FAM20C: variants seen among roughly 807,000 people sequenced by gnomAD.
FAM20C encodes extracellular serine/threonine protein kinase FAM20C.
In FAM20C, 40 loss-of-function variants were observed where a neutral mutation model predicts 51.5. The ratio of observed to expected loss-of-function variants is 0.78; its 90% CI spans 0.60 to 1.01. The LOEUF (loss-of-function observed/expected upper bound fraction) is 1.01. Among genes scored for constraint, FAM20C ranks in the 50% least tolerant of loss-of-function variants. The probability of loss-of-function intolerance (pLI) is 0.00; values close to 1 mark genes in which losing one functional copy is unlikely to be tolerated. For synonymous variants in FAM20C, 406 were observed against 380.6 expected, an observed-to-expected ratio of 1.07 and a Z score of -0.78; for missense variants, 861 against 844.7, an observed-to-expected ratio of 1.02 and a Z score of -0.24.
At chr7:258,798 C>T in intron 9 of FAM20C, 93 bp downstream of exon 9, 1 of 1,234,650 alleles carries the variant, frequency 8.1e-7, no homozygotes, top group Non-Finnish European at 1.1e-6. Context: ...CCCACCCCGG[C>T]CATCACATGG....
In FAM20C at chr7:259,906, G is replaced by T; in HGVS notation, c.1681G>T (p.Val561Leu). Residue 561 changes from valine to leucine, a missense_variant, in exon 10 of 10, where the codon GTG (valine) becomes TTG (leucine). Val to Leu is a conservative substitution (Grantham distance 32). Transcript: ENST00000313766. The part of the protein sequence containing the change: ...RVVLKAVRDC[V>L]ERNGLHSVVD... ...CGTGCTAAAGGCCGTCCGGGACTGC[G>T]TGGAGAGGAACGGGCTCCACAGCGT... is the stretch of plus-strand genomic sequence containing the variant. The T allele has an allele frequency of 6.5e-7, 1 of 1,535,452 alleles. No homozygotes were observed. The highest frequency in any genetic ancestry group is 8.7e-7 in the Non-Finnish European group (1 of 1,146,186).
intron 2 of FAM20C, among the ~76,000 whole-genome samples, chr7:207,673 C>T (rs1293889318): frequency 6.6e-6 from 1 of 152,246 alleles, no homozygotes; most frequent in African/African-American, 2.4e-5. Context: ...TGACGTGTGA[C>T]CAGTCCCTGG....
At chr7:241,012 TG>T (rs1478092788) in intron 3 of FAM20C, among the ~76,000 whole-genome samples, 1 of 152,156 alleles carries the variant, frequency 6.6e-6, no homozygotes, top group Non-Finnish European at 1.5e-5. Flanking sequence ...TAGAGGGAAC[TG>T]GTGAGGTTTC....
chr7:248,172 T>G, intron 4 of FAM20C, 143 bp from the exon 5 acceptor site: 1 of 601,782 alleles, frequency 1.7e-6, no homozygotes. Flanking sequence ...AGGGCTGGGT[T>G]TATTCGGAGG....
chr7:207,960 G>A (rs28570309), intron 2 of FAM20C, among the ~76,000 whole-genome samples: 42,382 of 152,192 alleles, frequency 0.28, 6,466 homozygotes, highest in Non-Finnish European at 0.34. Context: ...CAAAGCTGGA[G>A]GGAGGCTACT....
rs146983386 is a variant in FAM20C at position 208,985 on chromosome 7, C to T, written c.863+9C>T. ...CTGTTCAAACCCATGAAGTAAGTGC[C>T]GAGGCCTGTGGGCTGGGGCGTGAGG... On this transcript the variant is annotated intron_variant, in intron 3 of 9. Transcript: ENST00000313766. The T allele has an allele frequency of 4.6e-5, 72 of 1,574,458 alleles. No individual in the cohort carries two copies. Among genetic ancestry groups the T allele is most frequent in the East Asian group, 1.6e-4 (7 of 42,646 alleles).
chr7:243,113 GCCACCCAAGAGACC>G, intron 3 of FAM20C, among the ~76,000 whole-genome samples: 22 of 116,010 alleles, frequency 1.9e-4, no homozygotes, highest in Non-Finnish European at 3.2e-4. Context: ...GGAGACCTGT[GCCACCCAAGAGACC>G]TGTGCCACCC....
At chr7:224,371 CGGGGTCACATGGCGG>C (rs1787385504) in intron 3 of FAM20C, among the ~76,000 whole-genome samples, 1 of 23,586 alleles carries the variant, frequency 4.2e-5, no homozygotes, top group Non-Finnish European at 8.7e-5. Context: ...GGCACTGTCA[CGGGGTCACATGGCGG>C]CTGTCCCCTG....
intron 2 of FAM20C, among the ~76,000 whole-genome samples, chr7:206,110 C>T (rs888464989): frequency 6.6e-6 from 1 of 152,192 alleles, no homozygotes; most frequent in Non-Finnish European, 1.5e-5. Context: ...TCATCCCAGG[C>T]TGGCTGGGTT....
chr7:201,476 C>A (rs1562364437), intron 2 of FAM20C, among the ~76,000 whole-genome samples: 1 of 152,196 alleles, frequency 6.6e-6, no homozygotes, highest in Non-Finnish European at 1.5e-5. Context: ...TCCCCATGAG[C>A]ACCCTGCGGG....
At chr7:216,590 C>A (rs969369804) in intron 3 of FAM20C, among the ~76,000 whole-genome samples, 7 of 151,632 alleles carry the variant, frequency 4.6e-5, no homozygotes, top group African/African-American at 1.7e-4. Flanking sequence ...CCTGCTCTTT[C>A]CAGCCTGGGA....
chr7:195,476 G>A lies in FAM20C; in HGVS notation c.606-78G>A, dbSNP rs144857949. On this transcript the variant is annotated intron_variant, in intron 1 of 9. Coordinates refer to ENST00000313766, the MANE Select transcript of FAM20C (RefSeq NM_020223.4). Reference sequence around the variant, plus strand: ...TGAACCCAAAGTTAAAAACACTGGCGTCGGTGCCCTCTCCCCGTCATCCGA... The same window carrying A: ...TGAACCCAAAGTTAAAAACACTGGCATCGGTGCCCTCTCCCCGTCATCCGA... The A allele has an allele frequency of 3.2e-4, 423 of 1,311,038 alleles. 1 individual carries two copies. The African/African-American group carries it at 4.6e-3, about 14-fold the overall frequency. The allele number at this position is 1,311,038 out of a possible 1,614,324, so 81.2% of individuals were successfully genotyped here. A position where few individuals can be genotyped will look rare whatever the true frequency, so the allele number is the denominator to read the frequency against.
chr7:257,000 C>T lies in FAM20C; in HGVS notation c.1364-5C>T, dbSNP rs376166238. 1.3e-4 allele frequency: 193 copies of T among 1,536,922 alleles called. No homozygotes were observed. The highest frequency in any genetic ancestry group is 3.3e-4 in the Middle Eastern group (2 of 6,012). On this transcript the variant is annotated splice_region_variant and splice_polypyrimidine_tract_variant and intron_variant, in intron 7 of 9. Transcript: ENST00000313766. Reference sequence around the variant, plus strand: ...AGCTGTGACACTTTCTGCCTCTCTCCGCAGGAAACATGGACCGTCACCACT... The same window carrying T: ...AGCTGTGACACTTTCTGCCTCTCTCTGCAGGAAACATGGACCGTCACCACT...
chr7:220,345 C>T lies in FAM20C; in HGVS notation c.863+11369C>T, dbSNP rs1044857569. Reference sequence around the variant, plus strand: ...AGAGTCGCTGGGCCCACCCACTGGGCGCCTGCTGTGGCTGGGGATGCTGCT... The same window carrying T: ...AGAGTCGCTGGGCCCACCCACTGGGTGCCTGCTGTGGCTGGGGATGCTGCT... On this transcript the variant is annotated intron_variant, in intron 3 of 9. Coordinates refer to ENST00000313766, the MANE Select transcript of FAM20C (RefSeq NM_020223.4). Among the ~76,000 whole-genome samples the T allele has an allele frequency of 2.0e-5, 3 of 152,328 alleles. 1 individual carries two copies. Among genetic ancestry groups the T allele is most frequent in the African/African-American group, 4.8e-5 (2 of 41,558 alleles).
intron 8 of FAM20C, among the ~76,000 whole-genome samples, chr7:257,610 T>C (rs1035495305): frequency 2.0e-5 from 3 of 152,188 alleles, no homozygotes; most frequent in Non-Finnish European, 4.4e-5. Context: ...AGATGGACTT[T>C]GGGCACTTCA....
intron 2 of FAM20C, among the ~76,000 whole-genome samples, chr7:195,995 C>T (rs1176612533): frequency 6.6e-6 from 1 of 152,364 alleles, no homozygotes; most frequent in South Asian, 2.1e-4. Context: ...TGCGTCCTCA[C>T]CTGGGTGGTC....
intron 3 of FAM20C, among the ~76,000 whole-genome samples, chr7:230,377 G>C (rs905932657): frequency 9.4e-6 from 1 of 106,216 alleles, no homozygotes; most frequent in East Asian, 3.2e-4. Flanking sequence ...CGGGGTGGGG[G>C]GGGGGGGGAA....
Position 256,012 on chromosome 7 carries a change from C to G in FAM20C, c.1236C>G (p.His412Gln). The G allele has an allele frequency of 6.5e-7, 1 of 1,535,874 alleles. No homozygotes were observed. Among genetic ancestry groups the G allele is most frequent in the African/African-American group, 1.4e-5 (1 of 73,062 alleles). ...TWRNPWRRSY[H>Q]KRKKAEWEVD... Reference sequence around the variant, plus strand: ...GGAACCCTTGGCGGCGTTCCTACCACAAGCGCAAGAAGGCCGAGTGAGTGC... The same window carrying G: ...GGAACCCTTGGCGGCGTTCCTACCAGAAGCGCAAGAAGGCCGAGTGAGTGC... The change falls in exon 6 of 10, where the codon CAC becomes CAG. Residue 412 changes from histidine to glutamine, a missense_variant. This residue lies in a region of FAM20C where 269 missense variants were observed against 283.8 expected (regional missense o/e 0.95). Coordinates refer to ENST00000313766, the MANE Select transcript of FAM20C (RefSeq NM_020223.4).
chr7:217,428 A>ACTCCAGCCCC (rs71016859), intron 3 of FAM20C, among the ~76,000 whole-genome samples: 1 of 151,670 alleles, frequency 6.6e-6, no homozygotes, highest in African/African-American at 2.4e-5. Context: ...GTAGAGCTGC[A>ACTCCAGCCCC]TTTGGCTGTT....
Sources: allele counts gnomAD v4.1 joint callset (sites outside exome capture counted in the v4.1 genomes callset), GRCh38; gene constraint gnomAD v4.1.1; regional missense constraint gnomAD v4.1.1; transcripts MANE v1.5; gene names NCBI Gene and HGNC (gene_info 2026-07-23, HGNC 2026-07-21).